Variants in CRACR2B observed in about 807,000 individuals in gnomAD.
CRACR2B encodes the protein calcium release activated channel regulator 2B.
Under a neutral mutation model 46.0 loss-of-function variants are expected in CRACR2B, and 50 were observed. The ratio of observed to expected loss-of-function variants is 1.09; its 90% CI spans 0.87 to 1.38. CRACR2B has a LOEUF of 1.38. CRACR2B is among the 40% of genes most tolerant of loss of function. The pLI is 0.00. For synonymous variants in CRACR2B, 277 were observed against 239.6 expected, an observed-to-expected ratio of 1.16 and a Z score of -1.44; for missense variants, 667 against 535.0, an observed-to-expected ratio of 1.25 and a Z score of -2.43.
rs149818540 is a variant in CRACR2B at position 831,361 on chromosome 11, A to G, written c.1025+66A>G. 1.1e-4 allele frequency: 176 copies of G among 1,543,802 alleles called. 2 individuals carry two copies. The East Asian group carries it at 4.0e-3, about 35-fold the overall frequency. Reference sequence around the variant, plus strand: ...GAGCTTGGGGGCTCCCAGCTCCCCAACATTCTTGGCTGCCGCTCTACTCCA... The same window carrying G: ...GAGCTTGGGGGCTCCCAGCTCCCCAGCATTCTTGGCTGCCGCTCTACTCCA... On this transcript the variant is annotated intron_variant, in intron 8 of 8. Coordinates refer to ENST00000525077, the MANE Select transcript of CRACR2B (RefSeq NM_001286606.2).
Position 828,857 on chromosome 11 carries a change from C to A in CRACR2B, c.171C>A (p.Leu57=), listed in dbSNP as rs776769935. Residue 57 remains leucine, a synonymous_variant, in exon 2 of 9, where the codon CTC becomes CTA. Transcript: ENST00000525077. Reference sequence around the variant, plus strand: ...TGCTCTCCTTCCCCGACCAGGGTCTCCAGAGCGACCTGCCCCTCACGCCAG... The same window carrying A: ...TGCTCTCCTTCCCCGACCAGGGTCTACAGAGCGACCTGCCCCTCACGCCAG... ...GFITKHDLQG[L]QSDLPLTPEQ... is the part of the protein sequence containing the mutation. 2 of 1,610,858 alleles carry A rather than the reference C, an allele frequency of 1.2e-6. No homozygotes were observed. The highest frequency in any genetic ancestry group is 4.5e-5 in the East Asian group (2 of 44,888).
Position 828,923 on chromosome 11 carries a change from C to A in CRACR2B, c.237C>A (p.His79Gln). 6.2e-7 allele frequency: 1 copy of A among 1,607,070 alleles called. No individual in the cohort carries two copies. Among genetic ancestry groups the A allele is most frequent in the Non-Finnish European group, 8.5e-7 (1 of 1,179,966 alleles). The change falls in exon 2 of 9, where the codon CAC (histidine) becomes CAA (glutamine). Residue 79 changes from histidine to glutamine, a missense_variant. Physicochemically the swap from His to Gln is conservative, Grantham distance 24 (BLOSUM62 0). Coordinates refer to ENST00000525077, the MANE Select transcript of CRACR2B (RefSeq NM_001286606.2). ...EAVFESLDRAHTGFLTAREFC... is the reference protein window; with the variant it reads ...EAVFESLDRAQTGFLTAREFC... ...TGTTTGAAAGTCTGGACCGGGCTCACACTGGCTTCCTCACCGCCAGGGAGT... is the reference window on the plus strand; with the variant it reads ...TGTTTGAAAGTCTGGACCGGGCTCAAACTGGCTTCCTCACCGCCAGGGAGT...
upstream of CRACR2B, chr11:827,609 C>T (rs996502114): frequency 6.5e-6 from 6 of 927,366 alleles, no homozygotes; most frequent in Non-Finnish European, 6.4e-6. Flanking sequence ...AGCCGGAGGG[C>T]GGGCGAGACA....
intron 5 of CRACR2B, 103 bp downstream of exon 5, chr11:830,440 C>T (rs1338122138): frequency 2.6e-6 from 4 of 1,536,288 alleles, no homozygotes; most frequent in African/African-American, 2.7e-5. Context: ...GCCCCACCTC[C>T]GCGGGTCCAG....
Position 831,046 on chromosome 11 carries a change from GGGCTGGGC to G in CRACR2B, c.953+17_953+24del. On this transcript the variant is annotated intron_variant, in intron 7 of 8. Coordinates refer to ENST00000525077, the MANE Select transcript of CRACR2B (RefSeq NM_001286606.2). ...GCAAACCCAACGGTGCCGTGGGACG[GGGCTGGGC>G]GGGCCCCGGTGCGTGTCCCGGGGGC... The G allele has an allele frequency of 6.5e-7, 1 of 1,535,400 alleles. No individual in the cohort carries two copies. Among genetic ancestry groups the G allele is most frequent in the Non-Finnish European group, 8.7e-7 (1 of 1,146,118 alleles).
At position 829,977 on chromosome 11, in the gene CRACR2B, G is replaced by T; in HGVS notation, c.459-9G>T. 6.4e-7 allele frequency: 1 copy of T among 1,560,314 alleles called. No individual in the cohort carries two copies. The highest frequency in any genetic ancestry group is 8.6e-7 in the Non-Finnish European group (1 of 1,159,628). ...CCAGCTCCAGCCTCAGTTCCCGCCCGCCCTCCAGGCAGCGGGCTGTGAGGA... is the reference window on the plus strand; with the variant it reads ...CCAGCTCCAGCCTCAGTTCCCGCCCTCCCTCCAGGCAGCGGGCTGTGAGGA... On this transcript the variant is annotated splice_polypyrimidine_tract_variant and intron_variant, in intron 3 of 8. Coordinates refer to ENST00000525077, the MANE Select transcript of CRACR2B (RefSeq NM_001286606.2).
In CRACR2B at chr11:828,230, CT is replaced by C; in HGVS notation, c.-375del. On this transcript the variant is annotated 5_prime_UTR_variant, in exon 1 of 9. Transcript: ENST00000525077. Reference sequence around the variant, plus strand: ...CTGACCCCAAGCCTGCTCCTCTCAGCTTTCAGGACCCCACCTTCCTTATCAC... The same window carrying C: ...CTGACCCCAAGCCTGCTCCTCTCAGCTTCAGGACCCCACCTTCCTTATCAC... 4.3e-6 allele frequency: 1 copy of C among 234,306 alleles called. No homozygotes were observed. The highest frequency in any genetic ancestry group is 5.8e-5 in the South Asian group (1 of 17,370). 14.5% of individuals were successfully genotyped at this position (234,306 alleles called of 1,614,324 possible). A position where few individuals can be genotyped will look rare whatever the true frequency, so the allele number is the denominator to read the frequency against.
Position 831,878 on chromosome 11 carries a change from GC to G in CRACR2B, c.*171del. The G allele has an allele frequency of 1.3e-6, 1 of 773,620 alleles. No individual in the cohort carries two copies. The highest frequency in any genetic ancestry group is 1.9e-6 in the Non-Finnish European group (1 of 525,364). 47.9% of individuals were successfully genotyped at this position (773,620 alleles called of 1,614,324 possible). On this transcript the variant is annotated 3_prime_UTR_variant, in exon 9 of 9. Coordinates refer to ENST00000525077, the MANE Select transcript of CRACR2B (RefSeq NM_001286606.2). ...AGGAGTGGTCAGGGTCCCGGGAGTGGCCAGGGTCCCGTGTGTGCCCTCTGCC... is the reference window on the plus strand; with the variant it reads ...AGGAGTGGTCAGGGTCCCGGGAGTGGCAGGGTCCCGTGTGTGCCCTCTGCC...
chr11:829,014 C>A, intron 2 of CRACR2B, 51 bp downstream of exon 2: 1 of 1,589,062 alleles, frequency 6.3e-7, no homozygotes, highest in Non-Finnish European at 8.5e-7. Context: ...GAGGCCTGAT[C>A]AGGAGGCCTG....
chr11:831,032 G>T lies in CRACR2B; in HGVS notation c.953G>T (p.Arg318Leu). ...CGAGGCCGCCAGGAGCAAACCCAAC[G>T]GTGCCGTGGGACGGGGCTGGGCGGG... ...EARGRQEQTQ[R>L]DVVAVSRNMQ... Residue 318 changes from arginine to leucine, a missense_variant and splice_region_variant, in exon 7 of 9, where the codon CGA becomes CTA. Transcript: ENST00000525077. 1 of 1,535,006 alleles carries T rather than the reference G, an allele frequency of 6.5e-7. No homozygotes were observed. Among genetic ancestry groups the T allele is most frequent in the Non-Finnish European group, 8.7e-7 (1 of 1,146,510 alleles).
At position 828,434 on chromosome 11, in the gene CRACR2B, C is replaced by T. The variant is rs1846072980; in HGVS notation, c.-174C>T. ...CACCCCAAGCCTGCAGCATTTTCCACCCCCAGCCCCCTGGTCCCACCTTGC... is the reference window on the plus strand; with the variant it reads ...CACCCCAAGCCTGCAGCATTTTCCATCCCCAGCCCCCTGGTCCCACCTTGC... On this transcript the variant is annotated 5_prime_UTR_variant, in exon 1 of 9. Transcript: ENST00000525077. The T allele has an allele frequency of 1.4e-6, 1 of 723,270 alleles. No individual in the cohort carries two copies. The allele number at this position is 723,270 out of a possible 1,614,324, so 44.8% of individuals were successfully genotyped here.
rs1254207233 is a variant in CRACR2B at position 830,930 on chromosome 11, T to C, written c.851T>C (p.Leu284Pro). The C allele has an allele frequency of 6.5e-7, 1 of 1,531,472 alleles. No homozygotes were observed. Among genetic ancestry groups the C allele is most frequent in the South Asian group, 1.2e-5 (1 of 83,674 alleles). 94.9% of individuals were successfully genotyped at this position (1,531,472 alleles called of 1,614,324 possible). ...GAGGCACAGGCCCAGAACTCCCAGCTGTGGCGGGCGCACGAGGCGCTGCGA... is the reference window on the plus strand; with the variant it reads ...GAGGCACAGGCCCAGAACTCCCAGCCGTGGCGGGCGCACGAGGCGCTGCGA... ...HLEAQAQNSQ[L>P]WRAHEALRTQ... The change falls in exon 7 of 9, where the codon CTG becomes CCG. Residue 284 changes from leucine (L) to proline (P), a missense_variant. Physicochemically the swap from Leu to Pro is moderately conservative, Grantham distance 98 (BLOSUM62 -3). Transcript: ENST00000525077.
rs772686357 is a variant in CRACR2B at position 829,412 on chromosome 11, C to T, written c.330C>T (p.Pro110=). 6.2e-7 allele frequency: 1 copy of T among 1,611,048 alleles called. No homozygotes were observed. The highest frequency in any genetic ancestry group is 1.3e-5 in the African/African-American group (1 of 74,950). ...SAQGANPCRT[P]EETFESGGLD... ...AGGGAGCGAACCCCTGCAGGACTCCCGAGGAGACCTTTGAGTCGGGCGGGC... is the reference window on the plus strand; with the variant it reads ...AGGGAGCGAACCCCTGCAGGACTCCTGAGGAGACCTTTGAGTCGGGCGGGC... Residue 110 remains proline, a synonymous_variant, in exon 3 of 9, where the codon CCC becomes CCT. Coordinates refer to ENST00000525077, the MANE Select transcript of CRACR2B (RefSeq NM_001286606.2).
At position 828,594 on chromosome 11, in the gene CRACR2B, G is replaced by C. The variant is rs1846086262; in HGVS notation, c.-14G>C. Reference sequence around the variant, plus strand: ...TCACAGCACCTGAAGGCCAGGCTGAGGCCCCCTGCTCTCATGGCCAGCCCT... The same window carrying C: ...TCACAGCACCTGAAGGCCAGGCTGACGCCCCCTGCTCTCATGGCCAGCCCT... On this transcript the variant is annotated 5_prime_UTR_variant, in exon 1 of 9. Transcript: ENST00000525077. 2 of 1,574,388 alleles carry C rather than the reference G, an allele frequency of 1.3e-6. No individual in the cohort carries two copies. Among genetic ancestry groups the C allele is most frequent in the Admixed American group, 4.2e-5 (2 of 47,534 alleles).
chr11:830,849 A>G lies in CRACR2B; in HGVS notation c.787-17A>G. 2.0e-6 allele frequency: 3 copies of G among 1,510,184 alleles called. No individual in the cohort carries two copies. The highest frequency in any genetic ancestry group is 1.4e-5 in the African/African-American group (1 of 72,276). 93.5% of individuals were successfully genotyped at this position (1,510,184 alleles called of 1,614,324 possible). ...GAGGGGGCGTTCCTCGCCGGTCTCC[A>G]TCCTTCCACCCTCCAGTTAGAGCAG... On this transcript the variant is annotated splice_polypyrimidine_tract_variant and intron_variant, in intron 6 of 8. Coordinates refer to ENST00000525077, the MANE Select transcript of CRACR2B (RefSeq NM_001286606.2).
chr11:829,876 C>T, intron 3 of CRACR2B, 110 bp from the exon 4 acceptor site: 1 of 1,447,408 alleles, frequency 6.9e-7, no homozygotes, highest in Non-Finnish European at 9.1e-7. Flanking sequence ...GCAGCAAGTG[C>T]TCCTGTCCTG....
chr11:831,750 C>T lies in CRACR2B; in HGVS notation c.*41C>T, dbSNP rs574224981. Reference sequence around the variant, plus strand: ...TCACGGACCATGAGCTAGAAGCTGCCCTTGCAGGAGGCTTGTCATGGGTCG... The same window carrying T: ...TCACGGACCATGAGCTAGAAGCTGCTCTTGCAGGAGGCTTGTCATGGGTCG... On this transcript the variant is annotated 3_prime_UTR_variant, in exon 9 of 9. Transcript: ENST00000525077. The T allele has an allele frequency of 4.6e-5, 68 of 1,465,770 alleles. No individual in the cohort carries two copies. In the African/African-American group the frequency reaches 8.6e-4, roughly 19 times the overall value. 90.8% of individuals were successfully genotyped at this position (1,465,770 alleles called of 1,614,324 possible).
In CRACR2B at chr11:828,846, G is replaced by A. The variant is rs371173369; in HGVS notation, c.166-6G>A. 4.4e-5 allele frequency: 71 copies of A among 1,610,778 alleles called. No homozygotes were observed. Among genetic ancestry groups the A allele is most frequent in the Middle Eastern group, 1.6e-4 (1 of 6,070 alleles). ...CGGCTCATCTCTGCTCTCCTTCCCCGACCAGGGTCTCCAGAGCGACCTGCC... is the reference window on the plus strand; with the variant it reads ...CGGCTCATCTCTGCTCTCCTTCCCCAACCAGGGTCTCCAGAGCGACCTGCC... On this transcript the variant is annotated splice_region_variant and splice_polypyrimidine_tract_variant and intron_variant, in intron 1 of 8. Coordinates refer to ENST00000525077, the MANE Select transcript of CRACR2B (RefSeq NM_001286606.2).
chr11:831,479 T>C, intron 8 of CRACR2B, 56 bp from the exon 9 acceptor site: 1 of 1,514,732 alleles, frequency 6.6e-7, no homozygotes, highest in Non-Finnish European at 8.8e-7. Flanking sequence ...GGAGCTCACC[T>C]CCCCCCACCT....
Sources: gnomAD v4.1 joint callset for allele counts on GRCh38, gnomAD v4.1.1 for gene constraint, MANE v1.5 for transcripts, NCBI Gene and HGNC (gene_info 2026-07-23, HGNC 2026-07-21) for gene names.